SLC26A6: variants seen among roughly 807,000 people sequenced by gnomAD.
SLC26A6 encodes the protein anion exchange transporter.
SLC26A6 carries 67 observed loss-of-function variants against 87.1 expected under a neutral mutation model. The ratio of observed to expected loss-of-function variants is 0.77; its 90% CI spans 0.63 to 0.94. SLC26A6 has a LOEUF of 0.94. SLC26A6 is among the 40% of genes least tolerant of loss of function. SLC26A6 has a pLI of 0.00. For missense variants in SLC26A6, 902 were observed against 973.0 expected (o/e 0.93, Z 0.97); for synonymous variants, 414 against 405.9 (o/e 1.02, Z -0.24).
At position 48,628,599 on chromosome 3, in the gene SLC26A6, C is replaced by T; in HGVS notation, c.1692+23G>A. The stretch of plus-strand genomic sequence containing the variant: ...CTCTCTGGGAGCTGGGGCCTGACAC[C>T]CATCCTGGGGACTCCGTCTCACCCT... On this transcript the variant is annotated intron_variant, in intron 15 of 20. Transcript: ENST00000395550. This position sits in a 1 kb window ranked among gnomAD's most constrained non-coding sequence, Gnocchi z 4.4. 6.2e-7 allele frequency: 1 copy of T among 1,613,984 alleles called. No individual in the cohort carries two copies. Among genetic ancestry groups the T allele is most frequent in the Non-Finnish European group, 8.5e-7 (1 of 1,179,982 alleles).
At chr3:48,634,812 C>T (rs2046908380) in intron 1 of SLC26A6, 1 of 932,742 alleles carries the variant, frequency 1.1e-6, no homozygotes, top group South Asian at 4.9e-5. Context: ...CTCTTGGGAC[C>T]GCTATCTCAA....
Position 48,628,138 on chromosome 3 carries a change from G to A in SLC26A6, c.1801-100C>T. ...ATGCCCCCTGGTGCTGGGCAGGTGG[G>A]TGGGCCAGGACCAGAAGCTGTGGGA... On this transcript the variant is annotated intron_variant, in intron 16 of 20. Coordinates refer to ENST00000395550, the MANE Select transcript of SLC26A6 (RefSeq NM_022911.3). This position sits in a 1 kb window ranked among gnomAD's most constrained non-coding sequence, Gnocchi z 4.4. 1 of 1,176,912 alleles carries A rather than the reference G, an allele frequency of 8.5e-7. No homozygotes were observed. The highest frequency in any genetic ancestry group is 1.5e-5 in the South Asian group (1 of 66,376). The allele number at this position is 1,176,912 out of a possible 1,614,324, so 72.9% of individuals were successfully genotyped here.
At chr3:48,633,783 G>C (rs982219386) in intron 1 of SLC26A6, 148 bp from the exon 2 acceptor site, 1 of 1,469,188 alleles carries the variant, frequency 6.8e-7, no homozygotes, top group South Asian at 1.4e-5. Context: ...TGGCATCTGT[G>C]GGCCACATGT....
chr3:48,628,710 T>A lies in SLC26A6; in HGVS notation c.1604A>T (p.Lys535Met). 1 of 1,613,260 alleles carries A rather than the reference T, an allele frequency of 6.2e-7. No individual in the cohort carries two copies. The highest frequency in any genetic ancestry group is 8.5e-7 in the Non-Finnish European group (1 of 1,179,752). The part of the protein sequence containing the change: ...YRDVAEYSEA[K>M]EVRGVKVFRS... The stretch of plus-strand genomic sequence containing the variant: ...GAAGACCTTCACCCCCCGGACTTCC[T>A]TGGCCTGGGGATGAGGCAGAACTGG... Residue 535 changes from lysine (K) to methionine (M), a missense_variant, in exon 15 of 21, where the codon AAG becomes ATG. Coordinates refer to ENST00000395550, the MANE Select transcript of SLC26A6 (RefSeq NM_022911.3). This position sits in a 1 kb window ranked among gnomAD's most constrained non-coding sequence, Gnocchi z 4.4.
At position 48,631,798 on chromosome 3, in the gene SLC26A6, C is replaced by T; in HGVS notation, c.754G>A (p.Val252Met). 6.2e-7 allele frequency: 1 copy of T among 1,613,528 alleles called. No homozygotes were observed. Among genetic ancestry groups the T allele is most frequent in the Non-Finnish European group, 8.5e-7 (1 of 1,179,998 alleles). ...HSGPLSLIYT[V>M]LEVCWKLPQS... ...GGCAGCTTCCAGCAGACCTCCAGCACTGTCTGAGGAGAGGCCAGGTCACAG... is the reference window on the plus strand; with the variant it reads ...GGCAGCTTCCAGCAGACCTCCAGCATTGTCTGAGGAGAGGCCAGGTCACAG... Residue 252 changes from valine to methionine, a missense_variant, in exon 7 of 21, where the codon GTG (valine) becomes ATG (methionine). Physicochemically the swap from Val to Met is conservative, Grantham distance 21. Transcript: ENST00000395550.
chr3:48,626,543 C>A, intron 19 of SLC26A6, 88 bp downstream of exon 19: 1 of 1,594,094 alleles, frequency 6.3e-7, no homozygotes, highest in East Asian at 2.2e-5. Context: ...CAGAGAAAGA[C>A]TTTTTCCTTG....
chr3:48,626,569 C>A, intron 19 of SLC26A6, 62 bp downstream of exon 19: 1 of 1,609,670 alleles, frequency 6.2e-7, no homozygotes, highest in Non-Finnish European at 8.5e-7. Flanking sequence ...CTTGGAAAAC[C>A]CCTTGGCCAA....
Position 48,633,252 on chromosome 3 carries a change from C to T in SLC26A6, c.321G>A (p.Gln107=), listed in dbSNP as rs1281859819. The part of the protein sequence containing the change: ...GLSVAIMQLP[Q]GLAYALLAGL... ...GCCGACGCACTGAAGGTGGCTCACC[C>T]TGCGGAAGCTGCATGATGGCCACAC... The change falls in exon 3 of 21, where the codon CAG becomes CAA. Residue 107 remains glutamine (Q), a splice_region_variant and synonymous_variant. Transcript: ENST00000395550. 2 of 1,612,618 alleles carry T rather than the reference C, an allele frequency of 1.2e-6. No homozygotes were observed. The highest frequency in any genetic ancestry group is 1.7e-6 in the Non-Finnish European group (2 of 1,179,666).
rs149911619 is a variant in SLC26A6, at chr3:48,631,894, G to C, written c.736C>G (p.Leu246Val). 3.1e-6 allele frequency: 5 copies of C among 1,613,660 alleles called. No homozygotes were observed. Among genetic ancestry groups the C allele is most frequent in the Non-Finnish European group, 4.2e-6 (5 of 1,180,024 alleles). Residue 246 changes from leucine (L) to valine (V), a missense_variant, in exon 6 of 21, where the codon CTG (leucine) becomes GTG (valine). Physicochemically the swap from Leu to Val is conservative, Grantham distance 32 (BLOSUM62 1). This residue lies in a region of SLC26A6 where 800 missense variants were observed against 856.8 expected (regional missense o/e 0.93). Transcript: ENST00000395550. Reference protein sequence around the residue: ...GLHLSSHSGPLSLIYTVLEVC... With the variant: ...GLHLSSHSGPVSLIYTVLEVC... ...CCCTCACTCACATAGATGAGGGACA[G>C]TGGCCCAGAGTGGCTGCTCAGATGG...
intron 9 of SLC26A6, 123 bp downstream of exon 9, chr3:48,630,870 C>A: frequency 6.5e-7 from 1 of 1,534,048 alleles, no homozygotes; most frequent in South Asian, 1.2e-5. Context: ...CTCTCCCACC[C>A]TCAGTCCCCC....
intron 18 of SLC26A6, 85 bp downstream of exon 18, chr3:48,626,791 G>C: frequency 6.2e-7 from 1 of 1,606,906 alleles, no homozygotes; most frequent in Admixed American, 1.7e-5. Flanking sequence ...GAGGGTTTGG[G>C]GAGTCAGAGG....
In SLC26A6 at chr3:48,631,459, C is replaced by T. The variant is rs117708068; in HGVS notation, c.904-153G>A. 109 of 1,105,080 alleles carry T rather than the reference C, an allele frequency of 9.9e-5. 1 individual carries two copies. In the Middle Eastern group the frequency reaches 1.1e-3, roughly 11 times the overall value. 68.5% of individuals were successfully genotyped at this position (1,105,080 alleles called of 1,614,324 possible). On this transcript the variant is annotated intron_variant, in intron 7 of 20. Coordinates refer to ENST00000395550, the MANE Select transcript of SLC26A6 (RefSeq NM_022911.3). The stretch of plus-strand genomic sequence containing the variant: ...GGGTGAGAGACAGGCAACACCATTT[C>T]GGCTATGGGGAGATGCTGTCAGGGG...
At chr3:48,634,106 C>T (rs1046473520) in intron 1 of SLC26A6, 3 of 180,924 alleles carry the variant, frequency 1.7e-5, no homozygotes, top group African/African-American at 7.1e-5. Context: ...CCTCAGGCCT[C>T]AGATGAGACC....
chr3:48,635,320 G>A lies in SLC26A6; in HGVS notation c.23+51C>T, dbSNP rs778182181. The A allele has an allele frequency of 1.2e-4, 183 of 1,537,644 alleles. 1 individual carries two copies. The Middle Eastern group carries it at 2.9e-3, about 24-fold the overall frequency. Reference sequence around the variant, plus strand: ...GAGGCGTCGCAAGCGGAGAATGCCTGCTCCAGCGAGGCGCTCGCGCGGGGC... The same window carrying A: ...GAGGCGTCGCAAGCGGAGAATGCCTACTCCAGCGAGGCGCTCGCGCGGGGC... On this transcript the variant is annotated intron_variant, in intron 1 of 20. Coordinates refer to ENST00000395550, the MANE Select transcript of SLC26A6 (RefSeq NM_022911.3).
At position 48,631,291 on chromosome 3, in the gene SLC26A6, C is replaced by A; in HGVS notation, c.919G>T (p.Gly307Cys). The A allele has an allele frequency of 1.3e-6, 2 of 1,599,388 alleles. No homozygotes were observed. The highest frequency in any genetic ancestry group is 2.2e-5 in the East Asian group (1 of 44,656). Reference protein sequence around the residue: ...GELLTLIGATGISYGMGLKHR... With the variant: ...GELLTLIGATCISYGMGLKHR... Reference sequence around the variant, plus strand: ...TTTAGACCCATGCCATAGGAGATGCCTGTGGCCCCGATGAGCTGTGGGAGA... The same window carrying A: ...TTTAGACCCATGCCATAGGAGATGCATGTGGCCCCGATGAGCTGTGGGAGA... The change falls in exon 8 of 21, where the codon GGC (glycine) becomes TGC (cysteine). Residue 307 changes from glycine (G) to cysteine (C), a missense_variant. By Grantham distance (159) the Gly-to-Cys change is radical. Transcript: ENST00000395550.
Position 48,632,887 on chromosome 3 carries a change from G to A in SLC26A6, c.433+87C>T, listed in dbSNP as rs769811923. On this transcript the variant is annotated intron_variant, in intron 4 of 20. Transcript: ENST00000395550. ...ACCAATGCTGCCCTCTTCCCCAGCC[G>A]CTCCTGCCCTGCTCAGTGCCCCCTC... 4.6e-4 allele frequency: 615 copies of A among 1,327,396 alleles called. 1 individual carries two copies. The highest frequency in any genetic ancestry group is 6.1e-4 in the Non-Finnish European group (573 of 938,238). 82.2% of individuals were successfully genotyped at this position (1,327,396 alleles called of 1,614,324 possible).
In SLC26A6 at chr3:48,628,550, A is replaced by C; in HGVS notation, c.1693-9T>G. The C allele has an allele frequency of 6.2e-7, 1 of 1,614,086 alleles. No homozygotes were observed. The highest frequency in any genetic ancestry group is 8.5e-7 in the Non-Finnish European group (1 of 1,179,976). On this transcript the variant is annotated splice_polypyrimidine_tract_variant and intron_variant, in intron 15 of 20. Coordinates refer to ENST00000395550, the MANE Select transcript of SLC26A6 (RefSeq NM_022911.3). The surrounding 1 kb of genome is among the most constrained non-coding windows in gnomAD (Gnocchi z 4.4). Reference sequence around the variant, plus strand: ...TCGACATCCACACCACACTGGAGGCAAACATCAGAGAAGGGTTGGTGAGCT... The same window carrying C: ...TCGACATCCACACCACACTGGAGGCCAACATCAGAGAAGGGTTGGTGAGCT...
At chr3:48,629,259 A>C (rs2046712773) in intron 14 of SLC26A6, among the ~76,000 whole-genome samples, 1 of 152,196 alleles carries the variant, frequency 6.6e-6, no homozygotes, top group African/African-American at 2.4e-5. Context: ...ACTTGGCCCA[A>C]GACCTCTCAG....
chr3:48,632,486 C>T (rs2046833396), intron 4 of SLC26A6, 90 bp from the exon 5 acceptor site: 1 of 1,507,244 alleles, frequency 6.6e-7, no homozygotes, highest in Non-Finnish European at 9.0e-7. Context: ...AGGAGACTTC[C>T]AGTTCTGGAT....
Sources: allele counts gnomAD v4.1 joint callset (sites outside exome capture counted in the v4.1 genomes callset), GRCh38; gene constraint gnomAD v4.1.1; regional missense constraint gnomAD v4.1.1; non-coding constraint Gnocchi (gnomAD v3.1); transcripts MANE v1.5; gene names NCBI Gene and HGNC (gene_info 2026-07-23, HGNC 2026-07-21).